FCHO2: variants seen among roughly 807,000 people sequenced by gnomAD.
The protein encoded by FCHO2 is FCH and mu domain containing endocytic adaptor 2.
Under a neutral mutation model 114.1 loss-of-function variants are expected in FCHO2, and 43 were observed. That is an observed-to-expected ratio of 0.38 (90% CI 0.30 to 0.49). FCHO2 has a LOEUF of 0.49. Ranked by LOEUF, FCHO2 falls within the 20% of genes least tolerant of loss-of-function variation. FCHO2 has a pLI of 0.97. For missense variants in FCHO2, 807 were observed against 950.4 expected, an observed-to-expected ratio of 0.85 and a Z score of 1.98; for synonymous variants, 293 against 315.2, an observed-to-expected ratio of 0.93 and a Z score of 0.75.
chr5:72,995,943 GA>G (rs112043130), intron 5 of FCHO2, among the ~76,000 whole-genome samples: 4 of 149,036 alleles, frequency 2.7e-5, no homozygotes, highest in South Asian at 2.1e-4. Flanking sequence ...TTGTCAAATT[GA>G]AAAAAAAAAT....
intron 18 of FCHO2, among the ~76,000 whole-genome samples, chr5:73,064,282 C>G (rs7706042): frequency 0.14 from 21,721 of 151,992 alleles, 1,798 homozygotes; most frequent in East Asian, 0.35. Flanking sequence ...GTGGCTTGTT[C>G]TTAGACCTTA....
At chr5:72,962,866 T>C (rs1751948535) in intron 1 of FCHO2, among the ~76,000 whole-genome samples, 3 of 151,444 alleles carry the variant, frequency 2.0e-5, no homozygotes, top group Admixed American at 6.6e-5. Flanking sequence ...GTACTCCAGT[T>C]GGGCGACAGA....
chr5:72,982,666 G>A (rs192724188), intron 2 of FCHO2, among the ~76,000 whole-genome samples: 20 of 152,182 alleles, frequency 1.3e-4, no homozygotes, highest in Middle Eastern at 3.4e-3. Flanking sequence ...ATTGGAATGC[G>A]TTTAGATACT....
chr5:73,030,259 G>C (rs1287967615), intron 8 of FCHO2, among the ~76,000 whole-genome samples: 1 of 151,774 alleles, frequency 6.6e-6, no homozygotes, highest in Non-Finnish European at 1.5e-5. Flanking sequence ...CCAGGCTGGC[G>C]TTGGACTCCT....
chr5:72,996,942 T>C, intron 5 of FCHO2: 1 of 1,605,164 alleles, frequency 6.2e-7, no homozygotes, highest in South Asian at 1.1e-5. Flanking sequence ...CAGTGTCTGC[T>C]GGGGCTGCGC....
chr5:73,016,620 G>A (rs1289203864), intron 7 of FCHO2, among the ~76,000 whole-genome samples: 2 of 8,502 alleles, frequency 2.4e-4, no homozygotes, highest in Non-Finnish European at 3.6e-4. Context: ...ATTTTAAATT[G>A]TTTAAATATT....
chr5:72,984,117 T>G (rs116708190), intron 2 of FCHO2, among the ~76,000 whole-genome samples: 1,931 of 152,296 alleles, frequency 0.013, 12 homozygotes, highest in Non-Finnish European at 0.019. Context: ...TAATTTGCAT[T>G]TCTCTGGTGA....
intron 2 of FCHO2, among the ~76,000 whole-genome samples, chr5:72,976,279 A>G (rs1387425279): frequency 2.0e-5 from 3 of 152,182 alleles, no homozygotes; most frequent in East Asian, 1.9e-4. Flanking sequence ...AGGTCTTGCT[A>G]TGTTTCCCAG....
Position 73,077,486 on chromosome 5 carries a change from G to C in FCHO2, c.1840G>C (p.Val614Leu). The C allele has an allele frequency of 6.3e-7, 1 of 1,597,176 alleles. No individual in the cohort carries two copies. Among genetic ancestry groups the C allele is most frequent in the South Asian group, 1.1e-5 (1 of 87,890 alleles). The change falls in exon 21 of 26, where the codon GTG becomes CTG. Residue 614 changes from valine (V) to leucine (L), a missense_variant. Physicochemically the swap from Val to Leu is conservative, Grantham distance 32 (BLOSUM62 1). Coordinates refer to ENST00000430046, the MANE Select transcript of FCHO2 (RefSeq NM_138782.3). ...GCAGATTCTTCCAAATGCACAGCTTGTGTTCAGGTTTGTGTACTTTTTGTT... is the reference window on the plus strand; with the variant it reads ...GCAGATTCTTCCAAATGCACAGCTTCTGTTCAGGTTTGTGTACTTTTTGTT... Reference protein sequence around the residue: ...LEQILPNAQLVFSDPSQCDSN... With the variant: ...LEQILPNAQLLFSDPSQCDSN...
At chr5:72,985,396 A>T (rs1753460359) in intron 2 of FCHO2, among the ~76,000 whole-genome samples, 1 of 152,074 alleles carries the variant, frequency 6.6e-6, no homozygotes, top group African/African-American at 2.4e-5. Context: ...TCCTGACCTC[A>T]GGTGATCCAC....
At chr5:72,990,243 T>A (rs1362396814) in intron 3 of FCHO2, among the ~76,000 whole-genome samples, 2 of 152,094 alleles carry the variant, frequency 1.3e-5, no homozygotes, top group Admixed American at 1.3e-4. Flanking sequence ...TTAAGACTTG[T>A]GATAATGTAA....
intron 6 of FCHO2, among the ~76,000 whole-genome samples, chr5:73,013,977 C>T (rs1274396892): frequency 1.3e-5 from 2 of 152,174 alleles, no homozygotes; most frequent in African/African-American, 4.8e-5. Flanking sequence ...AGCCACCGTG[C>T]CTGGCCTCTC....
intron 8 of FCHO2, among the ~76,000 whole-genome samples, chr5:73,018,754 A>T (rs1755451666): frequency 6.6e-6 from 1 of 152,196 alleles, no homozygotes. Context: ...ATACTTCATG[A>T]AGAATTTCTC....
At chr5:72,996,015 G>A (rs1300017185) in intron 5 of FCHO2, among the ~76,000 whole-genome samples, 4 of 152,054 alleles carry the variant, frequency 2.6e-5, no homozygotes, top group Non-Finnish European at 5.9e-5. Context: ...GGCCACGGTG[G>A]GTGGATCACC....
intron 19 of FCHO2, 50 bp downstream of exon 19, chr5:73,068,829 G>A (rs1325535267): frequency 6.4e-7 from 1 of 1,552,440 alleles, no homozygotes; most frequent in South Asian, 1.2e-5. Flanking sequence ...CAAAGTATAT[G>A]TATGCTAAAT....
rs562845192 is a variant in FCHO2, at chr5:73,039,174, T to G, written c.914+1959T>G. On this transcript the variant is annotated intron_variant, in intron 10 of 25. Coordinates refer to ENST00000430046, the MANE Select transcript of FCHO2 (RefSeq NM_138782.3). Reference sequence around the variant, plus strand: ...TCTTGGCAGGAAAAAATGTTAGAATTCACTTTGCCTGAAATGCCAGAGGCT... The same window carrying G: ...TCTTGGCAGGAAAAAATGTTAGAATGCACTTTGCCTGAAATGCCAGAGGCT... 8.5e-5 allele frequency among the ~76,000 whole-genome samples: 13 copies of G among 152,320 alleles called. No homozygotes were observed. In the South Asian group the frequency reaches 1.2e-3, roughly 15 times the overall value.
chr5:72,990,176 G>C (rs1045388002), intron 3 of FCHO2, among the ~76,000 whole-genome samples: 2 of 151,936 alleles, frequency 1.3e-5, no homozygotes, highest in South Asian at 2.1e-4. Flanking sequence ...TGATAGAAAG[G>C]CTTCTGATAC....
At chr5:73,015,584 C>A in intron 6 of FCHO2, 42 bp from the exon 7 acceptor site, 1 of 1,142,332 alleles carries the variant, frequency 8.8e-7, no homozygotes, top group Non-Finnish European at 1.3e-6. Flanking sequence ...ATGTATGTAC[C>A]TGTATATGTT....
chr5:73,025,510 C>T (rs989514801), intron 8 of FCHO2, among the ~76,000 whole-genome samples: 1 of 151,890 alleles, frequency 6.6e-6, no homozygotes, highest in African/African-American at 2.4e-5. Flanking sequence ...TCCCTAATAG[C>T]TGGGATTACA....
Sources: allele counts gnomAD v4.1 joint callset (sites outside exome capture counted in the v4.1 genomes callset), GRCh38; gene constraint gnomAD v4.1.1; transcripts MANE v1.5; gene names NCBI Gene and HGNC (gene_info 2026-07-23, HGNC 2026-07-21).